Variants in ADAM28 observed in about 807,000 individuals in gnomAD.
ADAM28 encodes the protein ADAM metallopeptidase domain 28.
In ADAM28, 105 loss-of-function variants were observed where a neutral mutation model predicts 101.2. That is an observed-to-expected ratio of 1.04 (90% CI 0.89 to 1.22). The LOEUF (loss-of-function observed/expected upper bound fraction) is 1.22, where lower values mean the gene tolerates loss of function less well. Among genes scored for constraint, ADAM28 ranks in the 50% most tolerant of loss-of-function variants. The pLI, the probability that ADAM28 is intolerant of heterozygous loss-of-function variation, is 0.00. For missense variants in ADAM28, 1,028 were observed against 945.4 expected, an observed-to-expected ratio of 1.09 and a Z score of -1.15; for synonymous variants, 322 against 310.6, an observed-to-expected ratio of 1.04 and a Z score of -0.39.
chr8:24,331,683 C>T (rs1248721756), intron 12 of ADAM28, among the ~76,000 whole-genome samples: 1 of 152,082 alleles, frequency 6.6e-6, no homozygotes, highest in Non-Finnish European at 1.5e-5. Flanking sequence ...GCCCAGAGTA[C>T]AAATAGCTTG....
chr8:24,352,097 A>G, intron 21 of ADAM28, 45 bp downstream of exon 21: 1 of 1,550,534 alleles, frequency 6.4e-7, no homozygotes, highest in East Asian at 2.2e-5. Context: ...TTCAATCTCC[A>G]GGAAATATCG....
At chr8:24,341,878 T>A in intron 16 of ADAM28, 121 bp downstream of exon 16, 3 of 1,165,836 alleles carry the variant, frequency 2.6e-6, no homozygotes, top group Non-Finnish European at 3.7e-6. Flanking sequence ...CGCCATGCCT[T>A]AATAGAACCC....
chr8:24,317,939 A>T (rs1225167528), intron 6 of ADAM28, among the ~76,000 whole-genome samples: 1 of 152,048 alleles, frequency 6.6e-6, no homozygotes, highest in Non-Finnish European at 1.5e-5. Flanking sequence ...GACAAATTTA[A>T]CAGAGTTTAA....
At chr8:24,333,733 T>C (rs1279966673) in intron 13 of ADAM28, among the ~76,000 whole-genome samples, 16 of 152,186 alleles carry the variant, frequency 1.1e-4, no homozygotes, top group Admixed American at 9.2e-4. Context: ...TCTTCAATCT[T>C]TGAAGCCACT....
Position 24,309,928 on chromosome 8 carries a change from CAATT to C in ADAM28, c.189_192del (p.Ile63MetfsTer9), listed in dbSNP as rs1192549133. 3 of 1,562,824 alleles carry C rather than the reference CAATT, an allele frequency of 1.9e-6. No homozygotes were observed. Among genetic ancestry groups the C allele is most frequent in the South Asian group, 1.1e-5 (1 of 88,538 alleles). On this transcript the variant is annotated frameshift_variant, in exon 3 of 23. Transcript: ENST00000265769. LOFTEE classifies it high-confidence loss of function. ...GAAACTGAATTAAAGTATAAAATGA[CAATT>C]AATGGAAAAATTGCAGTGCTTTATT...
intron 7 of ADAM28, 89 bp downstream of exon 7, chr8:24,320,396 A>G: frequency 1.1e-6 from 1 of 889,850 alleles, no homozygotes; most frequent in Non-Finnish European, 1.8e-6. Flanking sequence ...TCTGGATGAG[A>G]TTTAAAGAAT....
intron 18 of ADAM28, among the ~76,000 whole-genome samples, chr8:24,346,156 AC>A (rs1315828768): frequency 1.3e-5 from 2 of 152,124 alleles, no homozygotes. Context: ...GGAAAAAATT[AC>A]ATTTTTATTT....
intron 4 of ADAM28, 170 bp downstream of exon 4, chr8:24,310,411 A>G (rs574448080): frequency 4.8e-6 from 3 of 628,366 alleles, no homozygotes; most frequent in South Asian, 2.4e-5. Context: ...AAATCAATTA[A>G]CAAGAACAAA....
At chr8:24,343,650 A>G (rs1394615070) in intron 18 of ADAM28, 66 bp downstream of exon 18, 6 of 1,422,176 alleles carry the variant, frequency 4.2e-6, no homozygotes, top group Admixed American at 1.8e-5. Context: ...ATTTTGTATT[A>G]TATGAGATTT....
chr8:24,342,807 C>A (rs1178534826), intron 16 of ADAM28, among the ~76,000 whole-genome samples: 1 of 152,116 alleles, frequency 6.6e-6, no homozygotes, highest in African/African-American at 2.4e-5. Flanking sequence ...GCATTAAGAT[C>A]ATCTCATTAT....
At position 24,329,884 on chromosome 8, in the gene ADAM28, TGTGAGAGAGA is replaced by T. The variant is rs1236374011; in HGVS notation, c.973-99_973-90del. On this transcript the variant is annotated intron_variant, in intron 10 of 22. Transcript: ENST00000265769. ...GTGTGTGTGTTTGTGTGTGTGTGTG[TGTGAGAGAGA>T]GAGAGAGAGAGAGAGAGAGAGATGG... 354 of 710,510 alleles carry T rather than the reference TGTGAGAGAGA, an allele frequency of 5.0e-4. No individual in the cohort carries two copies. The African/African-American group carries it at 5.2e-3, about 10-fold the overall frequency. The allele number at this position is 710,510 out of a possible 1,614,324, so 44.0% of individuals were successfully genotyped here.
chr8:24,294,876 T>C (rs1221373081), intron 1 of ADAM28, among the ~76,000 whole-genome samples: 1 of 152,204 alleles, frequency 6.6e-6, no homozygotes, highest in African/African-American at 2.4e-5. Context: ...CAATTTCTGG[T>C]AAATTCTCTA....
intron 6 of ADAM28, among the ~76,000 whole-genome samples, chr8:24,318,954 C>T (rs760817253): frequency 3.9e-5 from 6 of 151,904 alleles, no homozygotes; most frequent in African/African-American, 9.7e-5. Context: ...CAAAGCCCTC[C>T]GATGTCTTCC....
chr8:24,322,123 A>T (rs114878826), intron 8 of ADAM28, among the ~76,000 whole-genome samples: 2,073 of 152,120 alleles, frequency 0.014, 45 homozygotes, highest in African/African-American at 0.048. Context: ...AAAATAATAC[A>T]TTTCCTTTTT....
intron 5 of ADAM28, 81 bp downstream of exon 5, chr8:24,311,518 TATC>T (rs1810459174): frequency 3.6e-6 from 4 of 1,106,322 alleles, no homozygotes; most frequent in Admixed American, 4.7e-5. Context: ...GAATCCCAAA[TATC>T]ATTAATTTTT....
In ADAM28 at chr8:24,351,380, C is replaced by T. The variant is rs1218462967; in HGVS notation, c.2178+70C>T. 3 of 1,412,104 alleles carry T rather than the reference C, an allele frequency of 2.1e-6. No individual in the cohort carries two copies. In the Admixed American group the frequency reaches 5.0e-5, roughly 24 times the overall value. The allele number at this position is 1,412,104 out of a possible 1,614,324, so 87.5% of individuals were successfully genotyped here. ...CGTTTCTCTCACACTCTTATCCTGA[C>T]TACCTATCTATCATTTCTACCCAGC... On this transcript the variant is annotated intron_variant, in intron 20 of 22. Transcript: ENST00000265769.
intron 8 of ADAM28, chr8:24,322,465 A>G (rs1812007534): frequency 6.6e-6 from 1 of 152,048 alleles, no homozygotes; most frequent in Non-Finnish European, 1.5e-5. Context: ...GAGCATAAAA[A>G]ATGTGTGCAG....
rs975099040 is a variant in ADAM28 at position 24,339,551 on chromosome 8, C to A, written c.1653C>A (p.Leu551=). The A allele has an allele frequency of 3.7e-6, 6 of 1,611,858 alleles. No homozygotes were observed. Among genetic ancestry groups the A allele is most frequent in the Non-Finnish European group, 5.1e-6 (6 of 1,178,966 alleles). ...ACTGTCGCAGAGTGGATGACACACT[C>A]ATTCCCTGCAAAGCAAAGTAAGTGG... ...YGYCRRVDDT[L]IPCKANDTMC... Residue 551 remains leucine (L), a synonymous_variant, in exon 15 of 23, where the codon CTC becomes CTA. Coordinates refer to ENST00000265769, the MANE Select transcript of ADAM28 (RefSeq NM_014265.6).
rs1456110490 is a variant in ADAM28 at position 24,356,647 on chromosome 8, T to C, written c.*2243T>C. 6.6e-6 allele frequency: 1 copy of C among 152,208 alleles called. No homozygotes were observed. Among genetic ancestry groups the C allele is most frequent in the Non-Finnish European group, 1.5e-5 (1 of 68,024 alleles). The allele number at this position is 152,208 out of a possible 1,614,324, so 9.4% of individuals were successfully genotyped here. On this transcript the variant is annotated 3_prime_UTR_variant, in exon 23 of 23. Coordinates refer to ENST00000265769, the MANE Select transcript of ADAM28 (RefSeq NM_014265.6). ...TGATTTCACAATACTGTTTCCACAC[T>C]TACTTATATCCGTAACTTTCTAACT...
Sources: gnomAD v4.1 joint callset for allele counts (sites outside exome capture counted in the v4.1 genomes callset) on GRCh38, gnomAD v4.1.1 for gene constraint, MANE v1.5 for transcripts, NCBI Gene and HGNC (gene_info 2026-07-23, HGNC 2026-07-21) for gene names.